The following CHAF1A variants were observed in gnomAD, a reference collection of about 807,000 sequenced individuals.
CHAF1A encodes chromatin assembly factor 1 subunit A, also known as CAF-1 subunit A.
CHAF1A carries 5 observed loss-of-function variants against 93.2 expected under a neutral mutation model. The observed-to-expected ratio is 0.05, with a 90% CI of 0.03 to 0.11. The LOEUF is 0.11. Ranked by LOEUF, CHAF1A falls within the 10% of genes least tolerant of loss-of-function variation. The probability of loss-of-function intolerance (pLI) is 1.00; values close to 1 mark genes in which losing one functional copy is unlikely to be tolerated. For synonymous variants in CHAF1A, 504 were observed against 510.3 expected (o/e 0.99, Z 0.17); for missense variants, 1,102 against 1,259.9 (o/e 0.87, Z 1.90).
chr19:4,447,549 C>T, downstream of CHAF1A: 1 of 1,613,498 alleles, frequency 6.2e-7, no homozygotes, highest in African/African-American at 1.3e-5. Context: ...GGCACGCCCA[C>T]CTGAAACACC....
chr19:4,405,562 T>C (rs1973665017), intron 1 of CHAF1A, among the ~76,000 whole-genome samples: 1 of 150,850 alleles, frequency 6.6e-6, no homozygotes, highest in African/African-American at 2.4e-5. Flanking sequence ...GAGCTGAGAC[T>C]GTGCCATTGC....
At chr19:4,410,386 CT>C (rs71166992) in intron 3 of CHAF1A, among the ~76,000 whole-genome samples, 172 of 137,456 alleles carry the variant, frequency 1.3e-3, no homozygotes, top group African/African-American at 1.1e-3. Flanking sequence ...AAAAAAATTA[CT>C]TTTTTTTTTT....
At position 4,433,176 on chromosome 19, in the gene CHAF1A, C is replaced by A; in HGVS notation, c.2310C>A (p.Thr770=). The A allele has an allele frequency of 2.5e-6, 4 of 1,613,626 alleles. No homozygotes were observed. Among genetic ancestry groups the A allele is most frequent in the African/African-American group, 1.3e-5 (1 of 74,860 alleles). Residue 770 remains threonine, a synonymous_variant, in exon 13 of 15, where the codon ACC becomes ACA. Coordinates refer to ENST00000301280, the MANE Select transcript of CHAF1A (RefSeq NM_005483.3). This position sits in a 1 kb window ranked among gnomAD's most constrained non-coding sequence, Gnocchi z 5.6. ...GCCGGGGACTGCTCAGCAACCACAC[C>A]GGCAGCCCGCGGAGCCCCTCCACCA... ...HCRRGLLSNH[T]GSPRSPSTTY...
the CHAF1A span, chr19:4,450,182 A>G: frequency 0.54 from 79,383 of 146,884 alleles, 21,844 homozygotes; most frequent in Admixed American, 0.71. Context: ...CTGAGATTGC[A>G]CCACTGCACT....
At chr19:4,405,983 T>G in intron 2 of CHAF1A, 21 bp downstream of exon 2, 1 of 1,596,756 alleles carries the variant, frequency 6.3e-7, no homozygotes, top group East Asian at 2.2e-5. Context: ...GGAAATGGGT[T>G]AAAGAGTTGT....
At chr19:4,450,356 A>T in the CHAF1A span, 2 of 152,158 alleles carry the variant, frequency 1.3e-5, no homozygotes, top group Non-Finnish European at 2.9e-5. Context: ...TTATACAGAG[A>T]TCAAAAAATC....
intron 14 of CHAF1A, 137 bp from the exon 15 acceptor site, chr19:4,442,788 T>C (rs993736944): frequency 9.5e-6 from 6 of 633,130 alleles, no homozygotes; most frequent in Admixed American, 6.0e-5. Flanking sequence ...CGCCCCAGCC[T>C]CTGCCTGTCC....
chr19:4,409,376 G>A lies in CHAF1A; in HGVS notation c.577G>A (p.Ala193Thr), dbSNP rs763446721. The A allele has an allele frequency of 1.2e-6, 2 of 1,614,062 alleles. No individual in the cohort carries two copies. Among genetic ancestry groups the A allele is most frequent in the African/African-American group, 1.3e-5 (1 of 74,918 alleles). Residue 193 changes from alanine to threonine, a missense_variant, in exon 3 of 15, where the codon GCA becomes ACA. Ala to Thr is a moderately conservative substitution (Grantham distance 58, BLOSUM62 0). Around this residue, in one of 6 missense-constraint regions of CHAF1A, gnomAD observed 379 missense variants for 365.7 expected, o/e 1.04. Coordinates refer to ENST00000301280, the MANE Select transcript of CHAF1A (RefSeq NM_005483.3). The part of the protein sequence containing the change: ...TEEEGVGCGG[A>T]GRRGDSQECS... Reference sequence around the variant, plus strand: ...GGAGGAGGGTGTTGGCTGTGGAGGTGCAGGGAGGAGAGGCGACTCCCAGGA... The same window carrying A: ...GGAGGAGGGTGTTGGCTGTGGAGGTACAGGGAGGAGAGGCGACTCCCAGGA...
At chr19:4,442,420 T>G (rs1364078514) in intron 14 of CHAF1A, 79 bp downstream of exon 14, 7 of 1,180,144 alleles carry the variant, frequency 5.9e-6, no homozygotes, top group Non-Finnish European at 8.6e-6. Flanking sequence ...GGGATGGGGC[T>G]GCCTAAGACT....
At chr19:4,431,562 C>T (rs1974183143) in intron 11 of CHAF1A, among the ~76,000 whole-genome samples, 2 of 152,128 alleles carry the variant, frequency 1.3e-5, no homozygotes, top group Non-Finnish European at 2.9e-5. Flanking sequence ...TATCTGACCA[C>T]CGAGGCCTGA....
At chr19:4,440,626 G>A (rs1974369043) in intron 13 of CHAF1A, among the ~76,000 whole-genome samples, 1 of 152,004 alleles carries the variant, frequency 6.6e-6, no homozygotes, top group Non-Finnish European at 1.5e-5. Context: ...GACGTGTTCT[G>A]AGAGGTGTCC....
downstream of CHAF1A, chr19:4,446,207 G>C (rs368371362): frequency 3.1e-6 from 5 of 1,595,656 alleles, no homozygotes; most frequent in African/African-American, 4.0e-5. Flanking sequence ...CCTGGGGAGT[G>C]GGGGAGTCAG....
In CHAF1A at chr19:4,409,413, G is replaced by T; in HGVS notation, c.614G>T (p.Arg205Leu). The stretch of plus-strand genomic sequence containing the variant: ...GGCGACTCCCAGGAATGTTCGCCAC[G>T]GAGCTGCCCGGAGCTGACGAGTGGC... ...RRGDSQECSPRSCPELTSGPR... is the reference protein window; with the variant it reads ...RRGDSQECSPLSCPELTSGPR... The change falls in exon 3 of 15, where the codon CGG (arginine) becomes CTG (leucine). Residue 205 changes from arginine (R) to leucine (L), a missense_variant. Physicochemically the swap from Arg to Leu is moderately radical, Grantham distance 102. Coordinates refer to ENST00000301280, the MANE Select transcript of CHAF1A (RefSeq NM_005483.3). The T allele has an allele frequency of 1.2e-6, 2 of 1,614,160 alleles. No homozygotes were observed. Among genetic ancestry groups the T allele is most frequent in the Non-Finnish European group, 1.7e-6 (2 of 1,180,032 alleles).
intron 13 of CHAF1A, among the ~76,000 whole-genome samples, chr19:4,436,212 T>C (rs1479142329): frequency 6.6e-6 from 1 of 152,038 alleles, no homozygotes; most frequent in Non-Finnish European, 1.5e-5. Context: ...GAGATGATGC[T>C]CAGCCATCTC....
chr19:4,403,256 T>C (rs1473516181), intron 1 of CHAF1A, among the ~76,000 whole-genome samples: 5 of 152,118 alleles, frequency 3.3e-5, no homozygotes, highest in Admixed American at 1.3e-4. Flanking sequence ...AGGGTCGGGG[T>C]AAGCCCGGGT....
At chr19:4,412,306 G>A (rs567774083) in intron 3 of CHAF1A, among the ~76,000 whole-genome samples, 2 of 152,346 alleles carry the variant, frequency 1.3e-5, no homozygotes, top group East Asian at 3.9e-4. Context: ...ACTTTGGGAC[G>A]CCGAGGCGGG....
At chr19:4,423,534 T>C in intron 6 of CHAF1A, 139 bp downstream of exon 6, 2 of 1,432,552 alleles carry the variant, frequency 1.4e-6, no homozygotes, top group Non-Finnish European at 9.4e-7. Context: ...AGGGCGAGTC[T>C]GTCTAGATGC....
chr19:4,432,758 TA>T (rs5826849), intron 12 of CHAF1A, among the ~76,000 whole-genome samples: 79 of 135,914 alleles, frequency 5.8e-4, no homozygotes, highest in East Asian at 4.3e-3. Context: ...AGACCCTGTC[TA>T]AAAAAAAAAA....
chr19:4,432,186 C>T lies in CHAF1A; in HGVS notation c.2182C>T (p.Arg728Trp), dbSNP rs113859101. 24 of 1,609,592 alleles carry T rather than the reference C, an allele frequency of 1.5e-5. No homozygotes were observed. In the East Asian group the frequency reaches 2.5e-4, roughly 16 times the overall value. Reference protein sequence around the residue: ...QEEQTPKASKRERRDEQILAQ... With the variant: ...QEEQTPKASKWERRDEQILAQ... ...GGAGCAGACGCCCAAGGCCTCCAAG[C>T]GGGAGAGGAGAGACGAGCAGAGTGA... The change falls in exon 12 of 15, where the codon CGG (arginine) becomes TGG (tryptophan). Residue 728 changes from arginine to tryptophan, a missense_variant. Transcript: ENST00000301280.
Sources: gnomAD v4.1 joint callset for allele counts (sites outside exome capture counted in the v4.1 genomes callset) on GRCh38, gnomAD v4.1.1 for gene constraint, gnomAD v4.1.1 regional missense constraint, Gnocchi (gnomAD v3.1) non-coding constraint, MANE v1.5 for transcripts, NCBI Gene and HGNC (gene_info 2026-07-23, HGNC 2026-07-21) for gene names.